Variants in CSMD1 observed in about 807,000 individuals in gnomAD.
CSMD1 encodes the protein CUB and Sushi multiple domains 1.
A neutral mutation model predicts 417.5 loss-of-function variants in CSMD1; 213 were observed. The observed-to-expected ratio is 0.51, with a 90% CI of 0.46 to 0.57. The LOEUF (loss-of-function observed/expected upper bound fraction) is 0.57, where lower values mean the gene tolerates loss of function less well. CSMD1 is among the 20% of genes least tolerant of loss of function. CSMD1 has a pLI of 0.00. For synonymous variants in CSMD1, 2,862 were observed against 1,736.8 expected (o/e 1.65, Z -16.11); for missense variants, 6,923 against 4,529.7 (o/e 1.53, Z -15.17).
chr8:4,701,242 G>A (rs1477635352), intron 1 of CSMD1, among the ~76,000 whole-genome samples: 18 of 151,772 alleles, frequency 1.2e-4, no homozygotes, highest in Admixed American at 1.2e-3. Context: ...TCACTTCTCA[G>A]GTCTGCTTCC....
chr8:4,322,920 G>C (rs528162560), intron 3 of CSMD1, among the ~76,000 whole-genome samples: 81 of 152,294 alleles, frequency 5.3e-4, no homozygotes, highest in African/African-American at 1.8e-3. Context: ...TGGAGGTGGA[G>C]GTTGCAGTGA....
At chr8:3,292,721 TC>T (rs1410438606) in intron 25 of CSMD1, among the ~76,000 whole-genome samples, 6 of 152,210 alleles carry the variant, frequency 3.9e-5, no homozygotes, top group African/African-American at 1.2e-4. Flanking sequence ...TATGTGTGTC[TC>T]TGCAAGTTAG....
rs573559890 is a variant in CSMD1, at chr8:4,895,287, T to C, written c.85+99045A>G. ...CTCAGGTGTGTTACGATTATGAAAA[T>C]GGTAAGTCCGTATGACTTAGTTGTC... On this transcript the variant is annotated intron_variant, in intron 1 of 69. Transcript: ENST00000635120. Among the ~76,000 whole-genome samples, 6 of 152,214 alleles carry C rather than the reference T, an allele frequency of 3.9e-5. No homozygotes were observed. In the South Asian group the frequency reaches 1.0e-3, roughly 26 times the overall value.
chr8:4,772,095 G>T (rs555197274), intron 1 of CSMD1, among the ~76,000 whole-genome samples: 31 of 152,220 alleles, frequency 2.0e-4, no homozygotes, highest in African/African-American at 7.0e-4. Context: ...CAGGCTTGAC[G>T]GGGAATAGGC....
At chr8:3,983,479 A>C (rs1814061318) in intron 5 of CSMD1, among the ~76,000 whole-genome samples, 1 of 152,152 alleles carries the variant, frequency 6.6e-6, no homozygotes, top group Non-Finnish European at 1.5e-5. Flanking sequence ...GTAGATATCA[A>C]GTCATGAGGA....
At chr8:4,287,693 T>G (rs142495228) in intron 3 of CSMD1, among the ~76,000 whole-genome samples, 6,683 of 151,152 alleles carry the variant, frequency 0.044, 202 homozygotes, top group Middle Eastern at 0.094. Flanking sequence ...TTACTACTAC[T>G]TTGTAAGTGT....
intron 2 of CSMD1, among the ~76,000 whole-genome samples, chr8:4,426,567 G>C (rs1362807082): frequency 1.4e-5 from 2 of 146,350 alleles, no homozygotes; most frequent in African/African-American, 5.0e-5. Flanking sequence ...CTATAGTATA[G>C]TATATATACA....
At chr8:4,365,537 C>G (rs191498027) in intron 3 of CSMD1, among the ~76,000 whole-genome samples, 58 of 152,298 alleles carry the variant, frequency 3.8e-4, no homozygotes, top group East Asian at 7.7e-4. Context: ...CCTGTGATAT[C>G]AGAGACAGTT....
intron 1 of CSMD1, among the ~76,000 whole-genome samples, chr8:4,846,239 G>C (rs761017969): frequency 2.0e-5 from 3 of 152,052 alleles, no homozygotes; most frequent in Non-Finnish European, 2.9e-5. Context: ...AAAAAATATA[G>C]CTCTTACTTT....
At chr8:3,945,844 T>C (rs1811186755) in intron 5 of CSMD1, among the ~76,000 whole-genome samples, 1 of 152,076 alleles carries the variant, frequency 6.6e-6, no homozygotes, top group Admixed American at 6.6e-5. Context: ...AGGTAAATAT[T>C]GATTGTAGTG....
chr8:3,863,001 T>C (rs1021622009), intron 5 of CSMD1, among the ~76,000 whole-genome samples: 3 of 152,146 alleles, frequency 2.0e-5, no homozygotes, highest in Non-Finnish European at 4.4e-5. Flanking sequence ...ACCAACAGAT[T>C]TGGTATCTGG....
chr8:3,955,291 C>T (rs1472583443), intron 5 of CSMD1, among the ~76,000 whole-genome samples: 4 of 152,190 alleles, frequency 2.6e-5, no homozygotes, highest in Non-Finnish European at 5.9e-5. Flanking sequence ...GCAGTGTCAA[C>T]ACCAAACACA....
intron 3 of CSMD1, among the ~76,000 whole-genome samples, chr8:4,158,957 C>G (rs994235834): frequency 6.6e-6 from 1 of 152,074 alleles, no homozygotes; most frequent in African/African-American, 2.4e-5. Context: ...CTCTTGTTGC[C>G]CAGGTTGGAG....
chr8:4,201,432 G>C (rs997883814), intron 3 of CSMD1, among the ~76,000 whole-genome samples: 2 of 151,184 alleles, frequency 1.3e-5, no homozygotes, highest in East Asian at 3.9e-4. Flanking sequence ...CAGCTACTCA[G>C]GAGGCTGAGG....
At chr8:3,174,251 T>C (rs1820768762) in intron 37 of CSMD1, among the ~76,000 whole-genome samples, 1 of 152,176 alleles carries the variant, frequency 6.6e-6, no homozygotes, top group South Asian at 2.1e-4. Context: ...CCCAGCACTT[T>C]GGGAGGCTGA....
chr8:4,969,775 G>T (rs968781573), intron 1 of CSMD1, among the ~76,000 whole-genome samples: 3 of 151,986 alleles, frequency 2.0e-5, no homozygotes, highest in South Asian at 4.1e-4. Context: ...AGACAATGAG[G>T]CTGCTATGTG....
chr8:3,166,553 T>A (rs1231879565), intron 37 of CSMD1, among the ~76,000 whole-genome samples: 3 of 151,970 alleles, frequency 2.0e-5, no homozygotes, highest in African/African-American at 7.2e-5. Flanking sequence ...AAATAAAAAA[T>A]AAAAAGAGAA....
rs182894647 is a variant in CSMD1, at chr8:3,833,642, G to A, written c.819-79600C>T. Among the ~76,000 whole-genome samples, 6 of 152,098 alleles carry A rather than the reference G, an allele frequency of 3.9e-5. No individual in the cohort carries two copies. The East Asian group carries it at 9.7e-4, about 24-fold the overall frequency. The stretch of plus-strand genomic sequence containing the variant: ...AAACACATGGAAGTGTCTCTCACAG[G>A]ATGGTGTTTGTATGGGACAACTTTA... On this transcript the variant is annotated intron_variant, in intron 5 of 69. Transcript: ENST00000635120.
At chr8:4,225,249 C>A (rs779339440) in intron 3 of CSMD1, among the ~76,000 whole-genome samples, 2 of 152,150 alleles carry the variant, frequency 1.3e-5, no homozygotes, top group African/African-American at 4.8e-5. Context: ...CAATGACAAA[C>A]CATCATTTTC....
Sources: gnomAD v4.1 joint callset for allele counts (sites outside exome capture counted in the v4.1 genomes callset) on GRCh38, gnomAD v4.1.1 for gene constraint, MANE v1.5 for transcripts, NCBI Gene and HGNC (gene_info 2026-07-23, HGNC 2026-07-21) for gene names.